The following NEGR1 variants were observed in gnomAD, a reference collection of about 807,000 sequenced individuals.
NEGR1 encodes the protein neuronal growth regulator 1, also known as IgLON family member 4.
In NEGR1, 10 loss-of-function variants were observed where a neutral mutation model predicts 40.9. The observed-to-expected ratio is 0.24, with a 90% CI of 0.15 to 0.42. NEGR1 has a LOEUF of 0.42. Among genes scored for constraint, NEGR1 ranks in the 10% least tolerant of loss-of-function variants. The pLI is 1.00. For synonymous variants in NEGR1, 185 were observed against 166.8 expected (o/e 1.11, Z -0.84); for missense variants, 352 against 438.9 (o/e 0.80, Z 1.77).
intron 2 of NEGR1, among the ~76,000 whole-genome samples, chr1:71,899,048 GTGTGTA>G (rs1373281254): frequency 6.9e-6 from 1 of 144,684 alleles, no homozygotes; most frequent in East Asian, 2.0e-4. Flanking sequence ...GTGTGTGTGT[GTGTGTA>G]TGCCTAGGAC....
At chr1:72,004,798 G>T (rs1311674725) in intron 1 of NEGR1, among the ~76,000 whole-genome samples, 3 of 152,068 alleles carry the variant, frequency 2.0e-5, no homozygotes, top group African/African-American at 4.8e-5. Flanking sequence ...GGGAACCACT[G>T]CATAATACAT....
At chr1:71,479,794 T>C (rs567015571) in intron 6 of NEGR1, among the ~76,000 whole-genome samples, 1 of 152,132 alleles carries the variant, frequency 6.6e-6, no homozygotes, top group South Asian at 2.1e-4. Flanking sequence ...GAATCTTTTT[T>C]CCCTGCCAAT....
At chr1:71,990,281 G>A (rs1165325847) in intron 1 of NEGR1, among the ~76,000 whole-genome samples, 1 of 152,120 alleles carries the variant, frequency 6.6e-6, no homozygotes, top group Non-Finnish European at 1.5e-5. Flanking sequence ...GTTTGCTGAA[G>A]CGCCTCAACA....
At chr1:71,469,495 T>G (rs1404828943) in intron 6 of NEGR1, among the ~76,000 whole-genome samples, 1 of 152,076 alleles carries the variant, frequency 6.6e-6, no homozygotes, top group Non-Finnish European at 1.5e-5. Context: ...CTGAATTTAG[T>G]ATCTACAGGA....
chr1:71,820,249 A>G lies in NEGR1; in HGVS notation c.410-43952T>C, dbSNP rs144331349. ...TTTAGCAGCAAAAGAACTCAAAGTT[A>G]GATGACCAGAAGATTGAGGGCAGTC... On this transcript the variant is annotated intron_variant, in intron 2 of 6. Coordinates refer to ENST00000357731, the MANE Select transcript of NEGR1 (RefSeq NM_173808.3). 3.9e-5 allele frequency among the ~76,000 whole-genome samples: 6 copies of G among 152,110 alleles called. No homozygotes were observed. In the East Asian group the frequency reaches 1.2e-3, roughly 30 times the overall value.
chr1:71,540,855 G>T (rs1233306516), intron 6 of NEGR1, among the ~76,000 whole-genome samples: 1 of 151,586 alleles, frequency 6.6e-6, no homozygotes, highest in Non-Finnish European at 1.5e-5. Flanking sequence ...TGGATTCTAG[G>T]GAGGCCTCAA....
intron 5 of NEGR1, among the ~76,000 whole-genome samples, chr1:71,601,808 G>C (rs1649928951): frequency 6.6e-6 from 1 of 152,098 alleles, no homozygotes; most frequent in African/African-American, 2.4e-5. Context: ...TCCAAAAGTG[G>C]GAGGGCTGGG....
At chr1:72,216,907 T>C (rs1474468995) in intron 1 of NEGR1, among the ~76,000 whole-genome samples, 1 of 151,090 alleles carries the variant, frequency 6.6e-6, no homozygotes, top group African/African-American at 2.4e-5. Context: ...TTCCTTTAGA[T>C]AGTTCTTGTC....
At chr1:71,722,585 G>A (rs531003638) in intron 3 of NEGR1, among the ~76,000 whole-genome samples, 137 of 152,132 alleles carry the variant, frequency 9.0e-4, no homozygotes, top group African/African-American at 3.0e-3. Context: ...ATAAATAGCC[G>A]TTGAATTTAG....
At chr1:72,211,800 A>C (rs1324396419) in intron 1 of NEGR1, among the ~76,000 whole-genome samples, 1 of 151,708 alleles carries the variant, frequency 6.6e-6, no homozygotes, top group East Asian at 1.9e-4. Context: ...AAGACACAAA[A>C]AATGCCTGAG....
chr1:72,107,893 G>A (rs1649199513), intron 1 of NEGR1, among the ~76,000 whole-genome samples: 1 of 151,050 alleles, frequency 6.6e-6, no homozygotes. Context: ...CATTCTACAT[G>A]GTCACTTTTC....
At chr1:72,172,792 T>C (rs1441737546) in intron 1 of NEGR1, among the ~76,000 whole-genome samples, 1 of 152,074 alleles carries the variant, frequency 6.6e-6, no homozygotes, top group African/African-American at 2.4e-5. Context: ...GTTTTTCAGC[T>C]TTTAGAGGCT....
intron 6 of NEGR1, among the ~76,000 whole-genome samples, chr1:71,431,191 C>A (rs1386999954): frequency 1.3e-5 from 2 of 150,286 alleles, no homozygotes; most frequent in Non-Finnish European, 2.9e-5. Flanking sequence ...CCCACAAATA[C>A]TGATTGAAAA....
At chr1:71,807,993 A>G (rs1412258525) in intron 2 of NEGR1, among the ~76,000 whole-genome samples, 3 of 152,334 alleles carry the variant, frequency 2.0e-5, no homozygotes, top group Non-Finnish European at 2.9e-5. Flanking sequence ...GTATCCTTTA[A>G]AAGAATTTTA....
intron 2 of NEGR1, among the ~76,000 whole-genome samples, chr1:71,841,738 C>T (rs1022151965): frequency 9.9e-5 from 15 of 152,192 alleles, no homozygotes; most frequent in Non-Finnish European, 1.8e-4. Flanking sequence ...CACAGCATAT[C>T]GTAGAAATAC....
intron 2 of NEGR1, among the ~76,000 whole-genome samples, chr1:71,897,739 GT>G (rs1661012482): frequency 6.6e-6 from 1 of 151,768 alleles, no homozygotes; most frequent in East Asian, 1.9e-4. Flanking sequence ...GGTTTTTTTT[GT>G]TTGTGTGTTT....
intron 1 of NEGR1, among the ~76,000 whole-genome samples, chr1:71,989,517 A>G (rs1646431543): frequency 1.3e-5 from 2 of 152,176 alleles, no homozygotes; most frequent in South Asian, 4.1e-4. Context: ...ATGGCATTTT[A>G]TGGCTAGAGC....
chr1:72,134,965 G>C (rs746502345), intron 1 of NEGR1, among the ~76,000 whole-genome samples: 3 of 150,812 alleles, frequency 2.0e-5, no homozygotes, highest in Non-Finnish European at 4.4e-5. Flanking sequence ...TTGAACTCCC[G>C]ACCTCTGGTA....
At chr1:71,807,861 T>C (rs954121692) in intron 2 of NEGR1, among the ~76,000 whole-genome samples, 5 of 152,184 alleles carry the variant, frequency 3.3e-5, no homozygotes, top group Non-Finnish European at 5.9e-5. Flanking sequence ...CACATTCTTT[T>C]TTATTTACTT....
Sources: gnomAD v4.1 joint callset for allele counts (sites outside exome capture counted in the v4.1 genomes callset) on GRCh38, gnomAD v4.1.1 for gene constraint, MANE v1.5 for transcripts, NCBI Gene and HGNC (gene_info 2026-07-23, HGNC 2026-07-21) for gene names.